Variants in TBX4 observed in about 807,000 individuals in gnomAD.
TBX4 encodes T-box transcription factor 4, also known as T-box transcription factor TBX4.
TBX4 carries 13 observed loss-of-function variants against 54.6 expected under a neutral mutation model. That is an observed-to-expected ratio of 0.24 (90% CI 0.15 to 0.38). TBX4 has a LOEUF of 0.38. Among genes scored for constraint, TBX4 ranks in the 10% least tolerant of loss-of-function variants. TBX4 has a pLI of 1.00. For synonymous variants in TBX4, 314 were observed against 306.7 expected, an observed-to-expected ratio of 1.02 and a Z score of -0.25; for missense variants, 631 against 728.5, an observed-to-expected ratio of 0.87 and a Z score of 1.54.
At position 61,459,165 on chromosome 17, in the gene TBX4, C is replaced by T. The variant is rs1402237484; in HGVS notation, c.281+1534C>T. Among the ~76,000 whole-genome samples the T allele has an allele frequency of 6.6e-6, 1 of 152,208 alleles. No homozygotes were observed. The highest frequency in any genetic ancestry group is 1.5e-5 in the Non-Finnish European group (1 of 68,030). On this transcript the variant is annotated intron_variant, in intron 3 of 8. Coordinates refer to ENST00000644296, the MANE Select transcript of TBX4 (RefSeq NM_001321120.2). The surrounding 1 kb of genome is among the most constrained non-coding windows in gnomAD (Gnocchi z 4.8). ...GGCAGAGGGTGCGACATGGAGCAGG[C>T]ATTGAGGACAGTGGAAGCCAGGTGT...
At chr17:61,454,426 A>T (rs2060432701) in intron 1 of TBX4, among the ~76,000 whole-genome samples, 1 of 152,236 alleles carries the variant, frequency 6.6e-6, no homozygotes, top group Non-Finnish European at 1.5e-5. Context: ...ACGAGAGCGG[A>T]CCGCTATGCG....
In TBX4 at chr17:61,479,247, C is replaced by A. The variant is rs576465986; in HGVS notation, c.702+468C>A. 5.6e-4 allele frequency among the ~76,000 whole-genome samples: 85 copies of A among 152,256 alleles called. 1 individual carries two copies. In the South Asian group the frequency reaches 0.013, roughly 23 times the overall value. The stretch of plus-strand genomic sequence containing the variant: ...GCTGTGATAGGAGGTGCCCCAGCCA[C>A]CTCCCACACTCACTACTGCCCTCCC... On this transcript the variant is annotated intron_variant, in intron 6 of 8. Transcript: ENST00000644296. The surrounding 1 kb of genome is among the most constrained non-coding windows in gnomAD (Gnocchi z 6.1).
rs561631989 is a variant in TBX4, at chr17:61,479,771, G to A, written c.703-110G>A. ...TAGTGAGAAGCGGTGAGGCTGGAGAGCGACCCCTGAGGGAGGGAGGTTACA... is the reference window on the plus strand; with the variant it reads ...TAGTGAGAAGCGGTGAGGCTGGAGAACGACCCCTGAGGGAGGGAGGTTACA... On this transcript the variant is annotated intron_variant, in intron 6 of 8. Coordinates refer to ENST00000644296, the MANE Select transcript of TBX4 (RefSeq NM_001321120.2). This position sits in a 1 kb window ranked among gnomAD's most constrained non-coding sequence, Gnocchi z 6.1. The A allele has an allele frequency of 8.6e-7, 1 of 1,157,150 alleles. No homozygotes were observed. The highest frequency in any genetic ancestry group is 2.3e-5 in the East Asian group (1 of 42,578). 71.7% of individuals were successfully genotyped at this position (1,157,150 alleles called of 1,614,324 possible).
chr17:61,477,941 C>CAAAAAAAAAAA (rs10617980), intron 5 of TBX4, among the ~76,000 whole-genome samples: 10 of 88,652 alleles, frequency 1.1e-4, no homozygotes, highest in Non-Finnish European at 1.4e-4. Context: ...GATTCCATCT[C>CAAAAAAAAAAA]AAAAAAAAAA....
chr17:61,460,793 T>TA lies in TBX4; in HGVS notation c.281+3162_281+3163insA, dbSNP rs1347206927. Among the ~76,000 whole-genome samples, 1 of 152,206 alleles carries TA rather than the reference T, an allele frequency of 6.6e-6. No individual in the cohort carries two copies. Among genetic ancestry groups the TA allele is most frequent in the Non-Finnish European group, 1.5e-5 (1 of 68,032 alleles). The stretch of plus-strand genomic sequence containing the variant: ...TTGCCTAACTGTCTCACTGCCCTAC[T>TA]CCTAGGTCAGGGTTTTGCCACCAGA... On this transcript the variant is annotated intron_variant, in intron 3 of 8. Coordinates refer to ENST00000644296, the MANE Select transcript of TBX4 (RefSeq NM_001321120.2). The surrounding 1 kb of genome is among the most constrained non-coding windows in gnomAD (Gnocchi z 4.4).
Position 61,472,116 on chromosome 17 carries a change from T to C in TBX4, c.549+4459T>C, listed in dbSNP as rs778438645. 1.3e-5 allele frequency among the ~76,000 whole-genome samples: 2 copies of C among 152,176 alleles called. No individual in the cohort carries two copies. Among genetic ancestry groups the C allele is most frequent in the Non-Finnish European group, 2.9e-5 (2 of 68,028 alleles). On this transcript the variant is annotated intron_variant, in intron 5 of 8. Transcript: ENST00000644296. The surrounding 1 kb of genome is among the most constrained non-coding windows in gnomAD (Gnocchi z 4.5). Reference sequence around the variant, plus strand: ...GCCAGTTCTTGTTGAAGGAATTAGATGTTTTTTTATTCTTTGCTCTTCTGA... The same window carrying C: ...GCCAGTTCTTGTTGAAGGAATTAGACGTTTTTTTATTCTTTGCTCTTCTGA...
Position 61,457,817 on chromosome 17 carries a change from C to CCAA in TBX4, c.281+186_281+187insCAA, listed in dbSNP as rs2060464489. On this transcript the variant is annotated intron_variant, in intron 3 of 8. Coordinates refer to ENST00000644296, the MANE Select transcript of TBX4 (RefSeq NM_001321120.2). The surrounding 1 kb of genome is among the most constrained non-coding windows in gnomAD (Gnocchi z 8.2). ...CGCCAAAGCCCGCAGGGGGCCACCG[C>CCAA]AGCCGCGCGGGCCTTGCGGGAAAGA... is the stretch of plus-strand genomic sequence containing the variant. 6.6e-6 allele frequency among the ~76,000 whole-genome samples: 1 copy of CCAA among 152,214 alleles called. No individual in the cohort carries two copies. Among genetic ancestry groups the CCAA allele is most frequent in the Admixed American group, 6.5e-5 (1 of 15,288 alleles).
rs182479631 is a variant in TBX4 at position 61,476,290 on chromosome 17, C to G, written c.550-2337C>G. On this transcript the variant is annotated intron_variant, in intron 5 of 8. Transcript: ENST00000644296. The surrounding 1 kb of genome is among the most constrained non-coding windows in gnomAD (Gnocchi z 6.5). ...CTGAGACTTCCTGGAAGATCTGGGT[C>G]TTCCTAGAAGAGATGTTAGGCCCAG... 2.4e-3 allele frequency among the ~76,000 whole-genome samples: 367 copies of G among 152,268 alleles called. 8 individuals carry two copies. Among genetic ancestry groups the G allele is most frequent in the Non-Finnish European group, 1.6e-4 (11 of 68,020 alleles).
chr17:61,465,422 G>A lies in TBX4; in HGVS notation c.282-397G>A, dbSNP rs552938765. Among the ~76,000 whole-genome samples the A allele has an allele frequency of 6.6e-6, 1 of 152,336 alleles. No homozygotes were observed. Among genetic ancestry groups the A allele is most frequent in the South Asian group, 2.1e-4 (1 of 4,830 alleles). ...TTCACTTGTGTGTGGGCTGGCAAAGGACAGGAGGGAAATTAAGGCAGCAAG... is the reference window on the plus strand; with the variant it reads ...TTCACTTGTGTGTGGGCTGGCAAAGAACAGGAGGGAAATTAAGGCAGCAAG... On this transcript the variant is annotated intron_variant, in intron 3 of 8. Transcript: ENST00000644296. The surrounding 1 kb of genome is among the most constrained non-coding windows in gnomAD (Gnocchi z 4.9).
At position 61,483,569 on chromosome 17, in the gene TBX4, T is replaced by C. The variant is rs1490093366; in HGVS notation, c.*53T>C. On this transcript the variant is annotated 3_prime_UTR_variant, in exon 9 of 9. Coordinates refer to ENST00000644296, the MANE Select transcript of TBX4 (RefSeq NM_001321120.2). This position sits in a 1 kb window ranked among gnomAD's most constrained non-coding sequence, Gnocchi z 6.6. The stretch of plus-strand genomic sequence containing the variant: ...ACCGTGTTGCTCCAGTATTAACCTC[T>C]GTGGGTGGCCTGCACTCTACCAAGA... 23 of 1,612,230 alleles carry C rather than the reference T, an allele frequency of 1.4e-5. No individual in the cohort carries two copies. Among genetic ancestry groups the C allele is most frequent in the Non-Finnish European group, 1.9e-5 (22 of 1,179,370 alleles).
intron 1 of TBX4, 55 bp from the exon 2 acceptor site, chr17:61,456,433 G>A (rs1254545717): frequency 1.3e-6 from 2 of 1,540,776 alleles, no homozygotes; most frequent in Admixed American, 2.0e-5. Flanking sequence ...AGGGCCAGGG[G>A]TCCTCTGGCG....
intron 2 of TBX4, 117 bp downstream of exon 2, chr17:61,456,793 ATTCAGGAC>A (rs2060453907): frequency 1.3e-6 from 1 of 784,966 alleles, no homozygotes; most frequent in East Asian, 3.8e-5. Context: ...ACCTGGCTGC[ATTCAGGAC>A]GGTCTGCCCG....
In TBX4 at chr17:61,462,371, G is replaced by C. The variant is rs2060501102; in HGVS notation, c.282-3448G>C. ...GGGGAGGGCGGGGGAGCCCCCATCT[G>C]TCTGGGGGCGCGGGAGCCCGACGGC... On this transcript the variant is annotated intron_variant, in intron 3 of 8. Transcript: ENST00000644296. The surrounding 1 kb of genome is among the most constrained non-coding windows in gnomAD (Gnocchi z 4.5). Among the ~76,000 whole-genome samples, 1 of 151,944 alleles carries C rather than the reference G, an allele frequency of 6.6e-6. No individual in the cohort carries two copies. The highest frequency in any genetic ancestry group is 1.5e-5 in the Non-Finnish European group (1 of 67,962).
Position 61,480,383 on chromosome 17 carries a change from C to A in TBX4, c.1021+64C>A. On this transcript the variant is annotated intron_variant, in intron 8 of 8. Transcript: ENST00000644296. This position sits in a 1 kb window ranked among gnomAD's most constrained non-coding sequence, Gnocchi z 6.2. ...GGAGCGGTGAGGTTCTCCCCGAAAC[C>A]ACTCTGCAGCGCCCCCCCCCCCAAC... 3.1e-6 allele frequency: 4 copies of A among 1,277,394 alleles called. No individual in the cohort carries two copies. The highest frequency in any genetic ancestry group is 4.4e-6 in the Non-Finnish European group (4 of 914,006). The allele number at this position is 1,277,394 out of a possible 1,614,324, so 79.1% of individuals were successfully genotyped here.
At position 61,474,253 on chromosome 17, in the gene TBX4, T is replaced by C. The variant is rs975161929; in HGVS notation, c.550-4374T>C. On this transcript the variant is annotated intron_variant, in intron 5 of 8. Coordinates refer to ENST00000644296, the MANE Select transcript of TBX4 (RefSeq NM_001321120.2). This position sits in a 1 kb window ranked among gnomAD's most constrained non-coding sequence, Gnocchi z 4.6. ...GGGGCTAGCATCCAGATAACATGTG[T>C]TCTGTGTTCTGTAGGGCCTGCTGAC... Among the ~76,000 whole-genome samples the C allele has an allele frequency of 6.6e-6, 1 of 152,104 alleles. No individual in the cohort carries two copies. The highest frequency in any genetic ancestry group is 2.4e-5 in the African/African-American group (1 of 41,414).
chr17:61,467,757 A>G lies in TBX4; in HGVS notation c.549+100A>G, dbSNP rs1426625468. The G allele has an allele frequency of 8.7e-6, 13 of 1,497,088 alleles. No homozygotes were observed. In the East Asian group the frequency reaches 3.0e-4, roughly 34 times the overall value. The allele number at this position is 1,497,088 out of a possible 1,614,324, so 92.7% of individuals were successfully genotyped here. A position where few individuals can be genotyped will look rare whatever the true frequency, so the allele number is the denominator to read the frequency against. On this transcript the variant is annotated intron_variant, in intron 5 of 8. Transcript: ENST00000644296. The stretch of plus-strand genomic sequence containing the variant: ...ATAGGGAGAATCCACTCCGGGATCC[A>G]GCTCCAGGCTTTGGCGCTCACTGAC...
Position 61,483,391 on chromosome 17 carries a change from C to T in TBX4, c.1516C>T (p.Pro506Ser). ...RGLPQGCERKPPSPHLNAANE... is the reference protein window; with the variant it reads ...RGLPQGCERKSPSPHLNAANE... ...CCTCCCCCAAGGGTGTGAGAGGAAGCCACCCTCGCCACATCTAAATGCTGC... is the reference window on the plus strand; with the variant it reads ...CCTCCCCCAAGGGTGTGAGAGGAAGTCACCCTCGCCACATCTAAATGCTGC... Residue 506 changes from proline (P) to serine (S), a missense_variant, in exon 9 of 9, where the codon CCA (proline) becomes TCA (serine). Physicochemically the swap from Pro to Ser is moderately conservative, Grantham distance 74. Coordinates refer to ENST00000644296, the MANE Select transcript of TBX4 (RefSeq NM_001321120.2). This position sits in a 1 kb window ranked among gnomAD's most constrained non-coding sequence, Gnocchi z 6.6. 11 of 1,610,772 alleles carry T rather than the reference C, an allele frequency of 6.8e-6. No individual in the cohort carries two copies. The highest frequency in any genetic ancestry group is 7.6e-6 in the Non-Finnish European group (9 of 1,177,596).
In TBX4 at chr17:61,479,929, G is replaced by A. The variant is rs1172800999; in HGVS notation, c.751G>A (p.Gly251Ser). Residue 251 changes from glycine (G) to serine (S), a missense_variant, in exon 7 of 9, where the codon GGC becomes AGC. Physicochemically the swap from Gly to Ser is moderately conservative, Grantham distance 56. Coordinates refer to ENST00000644296, the MANE Select transcript of TBX4 (RefSeq NM_001321120.2). The surrounding 1 kb of genome is among the most constrained non-coding windows in gnomAD (Gnocchi z 6.1). ...ENNPFAKGFR[G>S]SDDSDLRVAR... ...CAACCCTTTTGCCAAGGGATTCCGG[G>A]GCAGTGATGACAGTGACCTGCGTGT... is the stretch of plus-strand genomic sequence containing the variant. 3 of 1,614,008 alleles carry A rather than the reference G, an allele frequency of 1.9e-6. No homozygotes were observed. Among genetic ancestry groups the A allele is most frequent in the Non-Finnish European group, 2.5e-6 (3 of 1,180,030 alleles).
In TBX4 at chr17:61,464,446, T is replaced by A. The variant is rs1047514200; in HGVS notation, c.282-1373T>A. ...TGCCCCTGGTGACAAAATAGGGGCC[T>A]CTGATCAGCTGTTTGTGGCATCTTG... is the stretch of plus-strand genomic sequence containing the variant. On this transcript the variant is annotated intron_variant, in intron 3 of 8. Coordinates refer to ENST00000644296, the MANE Select transcript of TBX4 (RefSeq NM_001321120.2). This position sits in a 1 kb window ranked among gnomAD's most constrained non-coding sequence, Gnocchi z 5.8. 1.3e-5 allele frequency: 2 copies of A among 152,346 alleles called. No homozygotes were observed. Among genetic ancestry groups the A allele is most frequent in the Non-Finnish European group, 2.9e-5 (2 of 68,136 alleles). 9.4% of individuals were successfully genotyped at this position (152,346 alleles called of 1,614,324 possible).
Sources: gnomAD v4.1 joint callset for allele counts (sites outside exome capture counted in the v4.1 genomes callset) on GRCh38, gnomAD v4.1.1 for gene constraint, Gnocchi (gnomAD v3.1) non-coding constraint, MANE v1.5 for transcripts, NCBI Gene and HGNC (gene_info 2026-07-23, HGNC 2026-07-21) for gene names.